The following COL13A1 variants were observed in gnomAD, a reference collection of about 807,000 sequenced individuals.
COL13A1 encodes the protein collagen type XIII alpha 1 chain, also known as collagen alpha-1(XIII) chain.
COL13A1 carries 89 observed loss-of-function variants against 130.9 expected under a neutral mutation model. The observed-to-expected ratio is 0.68, with a 90% CI of 0.57 to 0.81. The LOEUF (loss-of-function observed/expected upper bound fraction) is 0.81, where lower values mean the gene tolerates loss of function less well. Among genes scored for constraint, COL13A1 ranks in the 30% least tolerant of loss-of-function variants. The pLI is 0.00. For missense variants in COL13A1, 879 were observed against 934.6 expected (o/e 0.94, Z 0.78); for synonymous variants, 402 against 341.6 (o/e 1.18, Z -1.95).
intron 7 of COL13A1, among the ~76,000 whole-genome samples, chr10:69,881,202 G>A (rs776225447): frequency 6.6e-5 from 10 of 152,322 alleles, no homozygotes; most frequent in South Asian, 4.1e-4. Context: ...CCTGAACCAC[G>A]GGGCTTTAAT....
intron 2 of COL13A1, among the ~76,000 whole-genome samples, chr10:69,832,872 C>T (rs949702801): frequency 1.3e-5 from 2 of 152,244 alleles, no homozygotes; most frequent in Non-Finnish European, 1.5e-5. Flanking sequence ...CGGGCATCCT[C>T]TCTCCACATC....
In COL13A1 at chr10:69,956,990, C is replaced by G; in HGVS notation, c.2146-14C>G. On this transcript the variant is annotated splice_polypyrimidine_tract_variant and intron_variant, in intron 39 of 40. Transcript: ENST00000645393. ...CAGGAAGTCTGAGCCCTCTGCCTTC[C>G]TTTCTCCTTGCAGGGCGAAGATGGC... 6.2e-7 allele frequency: 1 copy of G among 1,613,320 alleles called. No homozygotes were observed. The highest frequency in any genetic ancestry group is 8.5e-7 in the Non-Finnish European group (1 of 1,179,302).
Position 69,929,057 on chromosome 10 carries a change from T to C in COL13A1, c.1485+58T>C. 5 of 1,361,390 alleles carry C rather than the reference T, an allele frequency of 3.7e-6. No individual in the cohort carries two copies. In the South Asian group the frequency reaches 6.2e-5, roughly 17 times the overall value. The allele number at this position is 1,361,390 out of a possible 1,614,324, so 84.3% of individuals were successfully genotyped here. On this transcript the variant is annotated intron_variant, in intron 28 of 40. Transcript: ENST00000645393. Reference sequence around the variant, plus strand: ...TTTGCAAGGGCATCGACCCCAGGGCTTCCCCTCCCCCTGTGACCCTCTCAT... The same window carrying C: ...TTTGCAAGGGCATCGACCCCAGGGCCTCCCCTCCCCCTGTGACCCTCTCAT...
At chr10:69,868,834 A>C (rs2058783939) in intron 3 of COL13A1, among the ~76,000 whole-genome samples, 1 of 152,222 alleles carries the variant, frequency 6.6e-6, no homozygotes. Flanking sequence ...ATTACTTGAA[A>C]GGAAGGATAA....
chr10:69,822,285 C>T, intron 1 of COL13A1, 84 bp from the exon 2 acceptor site: 1 of 1,051,858 alleles, frequency 9.5e-7, no homozygotes, highest in Non-Finnish European at 1.3e-6. Context: ...CCTCTTCCTG[C>T]CCTCCTCGTC....
At chr10:69,940,728 A>T (rs967593620) in intron 34 of COL13A1, among the ~76,000 whole-genome samples, 10 of 152,184 alleles carry the variant, frequency 6.6e-5, no homozygotes, top group African/African-American at 1.9e-4. Context: ...CGGGAGGAGC[A>T]GGTGGCCATC....
At chr10:69,927,862 T>G (rs1340718468) in intron 27 of COL13A1, among the ~76,000 whole-genome samples, 1 of 152,194 alleles carries the variant, frequency 6.6e-6, no homozygotes, top group Non-Finnish European at 1.5e-5. Flanking sequence ...TTTGGAGACA[T>G]TAAAATATAT....
In COL13A1 at chr10:69,814,295, T is replaced by G. The variant is rs1162121964; in HGVS notation, c.295-8074T>G. Among the ~76,000 whole-genome samples, 4 of 152,072 alleles carry G rather than the reference T, an allele frequency of 2.6e-5. No individual in the cohort carries two copies. The East Asian group carries it at 7.7e-4, about 29-fold the overall frequency. On this transcript the variant is annotated intron_variant, in intron 1 of 40. Coordinates refer to ENST00000645393, the MANE Select transcript of COL13A1 (RefSeq NM_001368882.1). ...AGACCCTCCTCACTCACCCTCCCTT[T>G]CCAGAAGAGGGGCTCTGAGTTTCCC...
In COL13A1 at chr10:69,858,304, G is replaced by A. The variant is rs114387029; in HGVS notation, c.365-9494G>A. Among the ~76,000 whole-genome samples the A allele has an allele frequency of 2.6e-3, 390 of 152,218 alleles. 3 individuals are homozygous for A. The highest frequency in any genetic ancestry group is 8.9e-3 in the African/African-American group (371 of 41,528). On this transcript the variant is annotated intron_variant, in intron 2 of 40. Coordinates refer to ENST00000645393, the MANE Select transcript of COL13A1 (RefSeq NM_001368882.1). ...GTGCTTACTCTAAGCCAGGGACAGT[G>A]CTAAATATCTTACTTGTATTCTCTC...
At chr10:69,920,530 G>T (rs1199211445) in intron 21 of COL13A1, among the ~76,000 whole-genome samples, 1 of 152,168 alleles carries the variant, frequency 6.6e-6, no homozygotes, top group Non-Finnish European at 1.5e-5. Flanking sequence ...AGACCATAAG[G>T]TCGAGGCCCT....
chr10:69,887,611 G>T (rs531604337), intron 8 of COL13A1, 120 bp downstream of exon 8: 1,080 of 1,086,842 alleles, frequency 9.9e-4, no homozygotes, highest in Non-Finnish European at 1.4e-3. Context: ...GGTCATTAAG[G>T]ACTTGCTTCT....
At chr10:69,925,730 T>TA in intron 25 of COL13A1, 74 bp from the exon 26 acceptor site, 2 of 1,134,430 alleles carry the variant, frequency 1.8e-6, no homozygotes, top group Admixed American at 4.0e-5. Flanking sequence ...TGTGGGCTGA[T>TA]AGAGAGCAGG....
At chr10:69,852,607 G>A (rs892063025) in intron 2 of COL13A1, among the ~76,000 whole-genome samples, 1 of 152,256 alleles carries the variant, frequency 6.6e-6, no homozygotes, top group Non-Finnish European at 1.5e-5. Context: ...AGACTCAGCA[G>A]GGTGGGGTGA....
At position 69,820,186 on chromosome 10, in the gene COL13A1, C is replaced by T. The variant is rs143727347; in HGVS notation, c.295-2183C>T. Among the ~76,000 whole-genome samples, 640 of 152,336 alleles carry T rather than the reference C, an allele frequency of 4.2e-3. 1 individual carries two copies. The highest frequency in any genetic ancestry group is 7.1e-3 in the Non-Finnish European group (484 of 68,028). ...CCAGCATTTATCACTGCCTGTTACA[C>T]ATTTTTTGTTTTTCTATTGATTTTT... On this transcript the variant is annotated intron_variant, in intron 1 of 40. Transcript: ENST00000645393.
intron 2 of COL13A1, among the ~76,000 whole-genome samples, chr10:69,843,214 A>G (rs185973784): frequency 2.0e-5 from 3 of 150,146 alleles, no homozygotes; most frequent in Admixed American, 1.3e-4. Context: ...ATCGGCCCAC[A>G]TGATAGCTGG....
Position 69,881,252 on chromosome 10 carries a change from G to A in COL13A1, c.513+699G>A, listed in dbSNP as rs561147755. Among the ~76,000 whole-genome samples the A allele has an allele frequency of 1.1e-4, 17 of 152,328 alleles. No individual in the cohort carries two copies. In the South Asian group the frequency reaches 3.5e-3, roughly 32 times the overall value. ...TCAGGGTGGAAAGGATCCCAGGGATGGTCTAACACAGCCCTCTCAGAAGGG... is the reference window on the plus strand; with the variant it reads ...TCAGGGTGGAAAGGATCCCAGGGATAGTCTAACACAGCCCTCTCAGAAGGG... On this transcript the variant is annotated intron_variant, in intron 7 of 40. Coordinates refer to ENST00000645393, the MANE Select transcript of COL13A1 (RefSeq NM_001368882.1).
At chr10:69,919,176 C>A in intron 20 of COL13A1, 88 bp downstream of exon 20, 2 of 1,557,252 alleles carry the variant, frequency 1.3e-6, no homozygotes, top group South Asian at 2.3e-5. Flanking sequence ...TGCTCTTGGT[C>A]CCCCTGAGGC....
intron 2 of COL13A1, among the ~76,000 whole-genome samples, chr10:69,850,665 G>A (rs187684953): frequency 3.9e-5 from 6 of 152,090 alleles, no homozygotes; most frequent in Non-Finnish European, 8.8e-5. Context: ...GGCAGATCAG[G>A]TTCCCTGGGA....
At chr10:69,836,773 A>G (rs1850181041) in intron 2 of COL13A1, among the ~76,000 whole-genome samples, 1 of 152,144 alleles carries the variant, frequency 6.6e-6, no homozygotes, top group African/African-American at 2.4e-5. Context: ...AGCCTCCTGG[A>G]GCTAGAATGA....
Sources: allele counts gnomAD v4.1 joint callset (sites outside exome capture counted in the v4.1 genomes callset), GRCh38; gene constraint gnomAD v4.1.1; transcripts MANE v1.5; gene names NCBI Gene and HGNC (gene_info 2026-07-23, HGNC 2026-07-21).